TENM2: variants seen among roughly 807,000 people sequenced by gnomAD.
TENM2 encodes teneurin-2.
Under a neutral mutation model 245.2 loss-of-function variants are expected in TENM2, and 52 were observed. The ratio of observed to expected loss-of-function variants is 0.21; its 90% CI spans 0.17 to 0.27. The LOEUF (loss-of-function observed/expected upper bound fraction) is 0.27. TENM2 is among the 10% of genes least tolerant of loss of function. TENM2 has a pLI of 1.00. For missense variants in TENM2, 3,046 were observed against 3,666.8 expected (o/e 0.83, Z 4.37); for synonymous variants, 1,363 against 1,438.9 (o/e 0.95, Z 1.19).
chr5:167,709,211 C>G (rs543543059), intron 2 of TENM2, among the ~76,000 whole-genome samples: 3 of 152,338 alleles, frequency 2.0e-5, no homozygotes, highest in East Asian at 3.9e-4. Context: ...GTAGTCCTGT[C>G]TTTTCCAAGC....
the TENM2 span, among the ~76,000 whole-genome samples, chr5:167,062,855 G>C: frequency 6.6e-6 from 1 of 152,154 alleles, no homozygotes; most frequent in Non-Finnish European, 1.5e-5. Flanking sequence ...TCCAAAGGTC[G>C]AAGGAGCTAG....
the TENM2 span, among the ~76,000 whole-genome samples, chr5:167,129,861 G>T: frequency 6.6e-6 from 1 of 152,074 alleles, no homozygotes; most frequent in Admixed American, 6.5e-5. Flanking sequence ...CTTTGATTAT[G>T]CATCGTCTAA....
At chr5:167,003,336 A>G in the TENM2 span, among the ~76,000 whole-genome samples, 1 of 152,196 alleles carries the variant, frequency 6.6e-6, no homozygotes, top group Non-Finnish European at 1.5e-5. Context: ...CTACAAATAA[A>G]AACCTCTTCC....
intron 5 of TENM2, among the ~76,000 whole-genome samples, chr5:168,021,895 A>T (rs1786181787): frequency 6.6e-6 from 1 of 152,004 alleles, no homozygotes; most frequent in Non-Finnish European, 1.5e-5. Flanking sequence ...AAGGGGTGAG[A>T]TCTACCCCCT....
At chr5:167,055,849 A>G in the TENM2 span, among the ~76,000 whole-genome samples, 2 of 152,060 alleles carry the variant, frequency 1.3e-5, no homozygotes, top group African/African-American at 4.8e-5. Context: ...TGATCATGCT[A>G]ACTGTGAAAA....
chr5:167,534,287 GC>G (rs1771705009), intron 2 of TENM2, among the ~76,000 whole-genome samples: 1 of 152,158 alleles, frequency 6.6e-6, no homozygotes, highest in Admixed American at 6.5e-5. Flanking sequence ...AAGGGAGGAT[GC>G]CAATGTGAGT....
At chr5:167,306,416 T>G (rs531437660) in intron 1 of TENM2, 1 of 152,208 alleles carries the variant, frequency 6.6e-6, no homozygotes, top group South Asian at 2.1e-4. Flanking sequence ...GGACGATGAT[T>G]TGTTTCTTGG....
chr5:167,219,327 A>G, the TENM2 span, among the ~76,000 whole-genome samples: 1 of 133,588 alleles, frequency 7.5e-6, no homozygotes, highest in East Asian at 2.2e-4. Flanking sequence ...AAACAAACAA[A>G]CAAGCAAAAC....
the TENM2 span, among the ~76,000 whole-genome samples, chr5:167,268,903 T>C: frequency 1.3e-5 from 2 of 151,084 alleles, no homozygotes; most frequent in Admixed American, 1.3e-4. Context: ...GATAGATAGA[T>C]AGATAGATAG....
intron 3 of TENM2, among the ~76,000 whole-genome samples, chr5:167,923,067 T>C (rs1777491360): frequency 6.6e-6 from 1 of 152,222 alleles, no homozygotes; most frequent in Admixed American, 6.5e-5. Context: ...CTCATGTCTG[T>C]AATCCCAGCA....
At chr5:167,848,820 C>T (rs1385438005) in intron 2 of TENM2, among the ~76,000 whole-genome samples, 1 of 152,154 alleles carries the variant, frequency 6.6e-6, no homozygotes, top group African/African-American at 2.4e-5. Context: ...AAACGTCTTC[C>T]CCACTTCTAC....
intron 13 of TENM2, among the ~76,000 whole-genome samples, chr5:168,176,075 A>G (rs912623779): frequency 2.6e-5 from 4 of 152,140 alleles, no homozygotes; most frequent in Admixed American, 2.0e-4. Context: ...CTTAATCCTT[A>G]AGGCCATGAT....
intron 1 of TENM2, among the ~76,000 whole-genome samples, chr5:167,349,890 AAAATTATAATTTTACATATTGGTC>A (rs139573558): frequency 0.022 from 3,355 of 152,326 alleles, 138 homozygotes; most frequent in African/African-American, 0.075. Context: ...CCTATATTGA[AAAATTATAATTTTACATATTGGTC>A]AGCAAGTTAT....
At chr5:168,092,415 A>C (rs1367197914) in intron 8 of TENM2, among the ~76,000 whole-genome samples, 1 of 152,228 alleles carries the variant, frequency 6.6e-6, no homozygotes. Flanking sequence ...TGTCTATGGC[A>C]GCTTTCCCAC....
intron 2 of TENM2, among the ~76,000 whole-genome samples, chr5:167,659,438 A>C (rs551007479): frequency 6.6e-6 from 1 of 152,340 alleles, no homozygotes; most frequent in South Asian, 2.1e-4. Flanking sequence ...TCATAAATCA[A>C]TAAGGAATAA....
At chr5:167,454,133 A>G (rs1281360301) in intron 2 of TENM2, among the ~76,000 whole-genome samples, 1 of 152,174 alleles carries the variant, frequency 6.6e-6, no homozygotes, top group Non-Finnish European at 1.5e-5. Context: ...AAGGTATATT[A>G]AAGGCATGAC....
chr5:167,876,323 A>T, intron 3 of TENM2, 128 bp downstream of exon 5: 1 of 746,094 alleles, frequency 1.3e-6, no homozygotes, highest in Non-Finnish European at 2.2e-6. Flanking sequence ...GGTGAAATGC[A>T]TTTGTCATTT....
At chr5:167,479,847 A>G (rs1338385052) in intron 2 of TENM2, among the ~76,000 whole-genome samples, 1 of 152,194 alleles carries the variant, frequency 6.6e-6, no homozygotes, top group East Asian at 1.9e-4. Context: ...AAGACATTGA[A>G]CAATTCAAAA....
intron 13 of TENM2, among the ~76,000 whole-genome samples, chr5:168,170,091 G>A (rs957754364): frequency 3.2e-4 from 48 of 152,200 alleles, no homozygotes; most frequent in African/African-American, 1.1e-3. Context: ...AAGTTATTCT[G>A]GCTCTTCCAG....
Sources: gnomAD v4.1 joint callset for allele counts (sites outside exome capture counted in the v4.1 genomes callset) on GRCh38, gnomAD v4.1.1 for gene constraint, MANE v1.5 for transcripts, NCBI Gene and HGNC (gene_info 2026-07-23, HGNC 2026-07-21) for gene names.